CCDC33: variants seen among roughly 807,000 people sequenced by gnomAD.
CCDC33 encodes coiled-coil domain containing 33.
Under a neutral mutation model 91.9 loss-of-function variants are expected in CCDC33, and 94 were observed. The observed-to-expected ratio is 1.02, with a 90% CI of 0.87 to 1.21. CCDC33 has a LOEUF of 1.21. Ranked by LOEUF, CCDC33 falls within the 50% of genes most tolerant of loss-of-function variation. CCDC33 has a pLI of 0.00. For synonymous variants in CCDC33, 396 were observed against 374.5 expected, an observed-to-expected ratio of 1.06 and a Z score of -0.66; for missense variants, 940 against 935.5, an observed-to-expected ratio of 1.00 and a Z score of -0.06.
chr15:74,289,240 G>T (rs2059539616), intron 10 of CCDC33, among the ~76,000 whole-genome samples: 1 of 152,226 alleles, frequency 6.6e-6, no homozygotes, highest in Admixed American at 6.5e-5. Flanking sequence ...AATGAAATGG[G>T]GGAAGAGACA....
At chr15:74,328,398 C>T (rs2930306) in intron 11 of CCDC33, among the ~76,000 whole-genome samples, 98,596 of 152,128 alleles carry the variant, frequency 0.65, 32,436 homozygotes, top group Non-Finnish European at 0.71. Context: ...CAGGCATCTC[C>T]GTGTGAGGAC....
chr15:74,321,688 C>T (rs1026873328), intron 11 of CCDC33, among the ~76,000 whole-genome samples: 3 of 152,220 alleles, frequency 2.0e-5, no homozygotes, highest in Admixed American at 6.5e-5. Context: ...GCGTGAACCA[C>T]CGCACCGGGC....
At chr15:74,310,459 C>G (rs970823930) in intron 11 of CCDC33, among the ~76,000 whole-genome samples, 23 of 151,746 alleles carry the variant, frequency 1.5e-4, no homozygotes, top group Admixed American at 6.6e-4. Flanking sequence ...ATAGCTTGAA[C>G]CCAGGAGACA....
chr15:74,291,753 T>A (rs1596045042), intron 10 of CCDC33, among the ~76,000 whole-genome samples: 1 of 151,884 alleles, frequency 6.6e-6, no homozygotes, highest in African/African-American at 2.4e-5. Flanking sequence ...ATGGAATGGG[T>A]AGGAGGAAGG....
intron 11 of CCDC33, chr15:74,318,680 T>C: frequency 1.3e-6 from 1 of 758,050 alleles, no homozygotes; most frequent in South Asian, 1.4e-5. Context: ...CCTCGCCCAC[T>C]GGTTCTGGGA....
chr15:74,286,054 T>C (rs2059467811), intron 10 of CCDC33, among the ~76,000 whole-genome samples: 1 of 152,144 alleles, frequency 6.6e-6, no homozygotes, highest in Non-Finnish European at 1.5e-5. Context: ...AAGACCAGCC[T>C]GGCCAACATG....
At position 74,244,640 on chromosome 15, in the gene CCDC33, T is replaced by C. The variant is rs943275423; in HGVS notation, c.185+492T>C. Among the ~76,000 whole-genome samples, 4 of 151,824 alleles carry C rather than the reference T, an allele frequency of 2.6e-5. 1 individual carries two copies. In the East Asian group the frequency reaches 7.8e-4, roughly 30 times the overall value. On this transcript the variant is annotated intron_variant, in intron 2 of 18. Transcript: ENST00000398814. This position sits in a 1 kb window ranked among gnomAD's most constrained non-coding sequence, Gnocchi z 4.2. ...GACTCCCCTAGTTCTGGGCCTTTAATGCACCCCACACACCCCCTCCAGCCA... is the reference window on the plus strand; with the variant it reads ...GACTCCCCTAGTTCTGGGCCTTTAACGCACCCCACACACCCCCTCCAGCCA...
At chr15:74,264,656 T>C (rs1475508089) in intron 3 of CCDC33, among the ~76,000 whole-genome samples, 1 of 152,186 alleles carries the variant, frequency 6.6e-6, no homozygotes, top group Non-Finnish European at 1.5e-5. Flanking sequence ...ATCTCCCAGT[T>C]GAATTTCCTC....
chr15:74,298,603 G>A (rs952858427), intron 11 of CCDC33, among the ~76,000 whole-genome samples: 1 of 151,822 alleles, frequency 6.6e-6, no homozygotes, highest in Admixed American at 6.6e-5. Context: ...GCAATGGTGC[G>A]ATCTCAGCTC....
intron 2 of CCDC33, among the ~76,000 whole-genome samples, chr15:74,254,332 C>A (rs1207027051): frequency 6.6e-6 from 1 of 152,070 alleles, no homozygotes; most frequent in Non-Finnish European, 1.5e-5. Flanking sequence ...CGCCCGGACG[C>A]CTCTCTCAAT....
In CCDC33 at chr15:74,280,186, AG is replaced by A. The variant is rs1391463320; in HGVS notation, c.889+97del. ...AGACCATCCCACCTCTGCCTCCCACAGGGATGGATGGTTCCCAGGTGTCCAG... is the reference window on the plus strand; with the variant it reads ...AGACCATCCCACCTCTGCCTCCCACAGGATGGATGGTTCCCAGGTGTCCAG... On this transcript the variant is annotated intron_variant, in intron 8 of 18. Coordinates refer to ENST00000398814, the MANE Select transcript of CCDC33 (RefSeq NM_025055.5). 2.1e-6 allele frequency: 3 copies of A among 1,458,430 alleles called. No individual in the cohort carries two copies. The African/African-American group carries it at 4.2e-5, about 20-fold the overall frequency. The allele number at this position is 1,458,430 out of a possible 1,614,324, so 90.3% of individuals were successfully genotyped here.
intron 17 of CCDC33, 44 bp from the exon 18 acceptor site, chr15:74,334,931 C>A (rs530526006): frequency 6.7e-7 from 1 of 1,486,124 alleles, no homozygotes; most frequent in East Asian, 2.3e-5. Context: ...AGGGATTAGC[C>A]CTGCTGCCCA....
At chr15:74,330,108 T>C in intron 11 of CCDC33, 81 bp from the exon 12 acceptor site, 1 of 1,473,622 alleles carries the variant, frequency 6.8e-7, no homozygotes, top group Non-Finnish European at 9.1e-7. Context: ...GGGGACCCAC[T>C]GACTTTCAAG....
chr15:74,230,688 C>G (rs1336928764), intron 2 of CCDC33, among the ~76,000 whole-genome samples: 1 of 152,230 alleles, frequency 6.6e-6, no homozygotes, highest in Non-Finnish European at 1.5e-5. Flanking sequence ...GCCAGAGGTG[C>G]TCCATCTTGG....
chr15:74,234,861 C>A (rs528359604), upstream of CCDC33, among the ~76,000 whole-genome samples: 5 of 152,348 alleles, frequency 3.3e-5, no homozygotes, highest in Admixed American at 3.3e-4. Context: ...GGAGCGCTCG[C>A]ACAGCCCTGA....
chr15:74,311,149 G>T lies in CCDC33; in HGVS notation c.1290+15201G>T, dbSNP rs533660923. Among the ~76,000 whole-genome samples, 285 of 152,200 alleles carry T rather than the reference G, an allele frequency of 1.9e-3. 1 individual carries two copies. The highest frequency in any genetic ancestry group is 6.5e-3 in the African/African-American group (271 of 41,512). ...TGTGACACTGAGCTCCCATCACCCT[G>T]GTCCCTTCCCCTACCCATGGTCCCT... On this transcript the variant is annotated intron_variant, in intron 11 of 18. Coordinates refer to ENST00000398814, the MANE Select transcript of CCDC33 (RefSeq NM_025055.5).
chr15:74,319,165 G>T lies in CCDC33; in HGVS notation c.1291-11024G>T, dbSNP rs923353752. Among the ~76,000 whole-genome samples the T allele has an allele frequency of 1.3e-5, 2 of 152,198 alleles. 1 individual carries two copies. The stretch of plus-strand genomic sequence containing the variant: ...GCTAACCCTTCTGGTTTGGGCCCCA[G>T]TTGCCAAAGCATTTCTTCTTCCCCT... On this transcript the variant is annotated intron_variant, in intron 11 of 18. Transcript: ENST00000398814.
chr15:74,223,791 C>T (rs1172438009), intron 2 of CCDC33, among the ~76,000 whole-genome samples: 1 of 151,866 alleles, frequency 6.6e-6, no homozygotes, highest in Non-Finnish European at 1.5e-5. Context: ...CACACACACA[C>T]ACACAGCAGA....
intron 18 of CCDC33, 61 bp from the exon 19 acceptor site, chr15:74,335,864 C>T: frequency 7.5e-7 from 1 of 1,326,458 alleles, no homozygotes; most frequent in East Asian, 2.3e-5. Context: ...GCAATATGCC[C>T]TTGAGCAGGT....
Sources: allele counts gnomAD v4.1 joint callset (sites outside exome capture counted in the v4.1 genomes callset), GRCh38; gene constraint gnomAD v4.1.1; non-coding constraint Gnocchi (gnomAD v3.1); transcripts MANE v1.5; gene names NCBI Gene and HGNC (gene_info 2026-07-23, HGNC 2026-07-21).